HECW1: variants seen among roughly 807,000 people sequenced by gnomAD.
HECW1 encodes the protein E3 ubiquitin-protein ligase HECW1.
HECW1 carries 61 observed loss-of-function variants against 182.3 expected under a neutral mutation model. The ratio of observed to expected loss-of-function variants is 0.33; its 90% CI spans 0.27 to 0.41. The LOEUF is 0.41. HECW1 is among the 10% of genes least tolerant of loss of function. HECW1 has a pLI of 1.00. For synonymous variants in HECW1, 859 were observed against 832.6 expected, an observed-to-expected ratio of 1.03 and a Z score of -0.55; for missense variants, 1,739 against 2,108.9, an observed-to-expected ratio of 0.82 and a Z score of 3.44.
Position 43,385,276 on chromosome 7 carries a change from C to T in HECW1, c.556-11538C>T, listed in dbSNP as rs1279022251. On this transcript the variant is annotated intron_variant, in intron 6 of 29. Coordinates refer to ENST00000395891, the MANE Select transcript of HECW1 (RefSeq NM_015052.5). ...CCTCCCCTCCCCTCTCCCCTCCCCT[C>T]CCCTCTCCCCTCCCCTCCCCTCTCC... Among the ~76,000 whole-genome samples, 146 of 19,904 alleles carry T rather than the reference C, an allele frequency of 7.3e-3. 4 individuals are homozygous for T. The highest frequency in any genetic ancestry group is 0.011 in the Non-Finnish European group (104 of 9,734). The allele number at this position is 19,904 out of a possible 152,430, so 13.1% of individuals were successfully genotyped here. A position where few individuals can be genotyped will look rare whatever the true frequency, so the allele number is the denominator to read the frequency against.
intron 20 of HECW1, 126 bp downstream of exon 20, chr7:43,500,908 C>A: frequency 1.2e-6 from 1 of 802,212 alleles, no homozygotes; most frequent in South Asian, 1.5e-5. Context: ...CTAGTAACTG[C>A]AACGCAAGTG....
chr7:43,424,065 T>C (rs1487768156), intron 8 of HECW1, among the ~76,000 whole-genome samples: 1 of 152,190 alleles, frequency 6.6e-6, no homozygotes, highest in Non-Finnish European at 1.5e-5. Context: ...TCAGAGATGG[T>C]AGCAGTTGTC....
intron 2 of HECW1, among the ~76,000 whole-genome samples, chr7:43,160,887 G>A (rs964339183): frequency 3.9e-5 from 6 of 151,938 alleles, no homozygotes; most frequent in Non-Finnish European, 7.4e-5. Flanking sequence ...GCCTTTTACA[G>A]TTGTCGTATT....
chr7:43,208,110 T>A (rs1156818891), intron 2 of HECW1, among the ~76,000 whole-genome samples: 2 of 152,208 alleles, frequency 1.3e-5, no homozygotes, highest in Admixed American at 6.5e-5. Context: ...TGTTAACAGA[T>A]AATGGACATT....
At chr7:43,534,129 T>G (rs1414405675) in intron 24 of HECW1, among the ~76,000 whole-genome samples, 2 of 152,196 alleles carry the variant, frequency 1.3e-5, no homozygotes, top group African/African-American at 2.4e-5. Flanking sequence ...TATATCACTT[T>G]CGTATAAAAG....
Position 43,480,696 on chromosome 7 carries a change from T to TATAC in HECW1, c.3234+953_3234+954insTACA, listed in dbSNP as rs577524160. Among the ~76,000 whole-genome samples the TATAC allele has an allele frequency of 4.8e-3, 649 of 135,386 alleles. 5 individuals are homozygous for TATAC. Among genetic ancestry groups the TATAC allele is most frequent in the Non-Finnish European group, 6.6e-3 (395 of 59,460 alleles). The allele number at this position is 135,386 out of a possible 152,430, so 88.8% of individuals were successfully genotyped here. On this transcript the variant is annotated intron_variant, in intron 17 of 29. Coordinates refer to ENST00000395891, the MANE Select transcript of HECW1 (RefSeq NM_015052.5). ...ACACATATATACGCATATATATATA[T>TATAC]ACACACACACACACATATATACGCA... is the stretch of plus-strand genomic sequence containing the variant.
intron 2 of HECW1, among the ~76,000 whole-genome samples, chr7:43,139,866 C>T (rs1373617213): frequency 6.6e-6 from 1 of 152,148 alleles, no homozygotes; most frequent in African/African-American, 2.4e-5. Context: ...CCAACCATTA[C>T]TGTCTGGGTG....
chr7:43,524,803 A>G (rs142847040), intron 24 of HECW1, among the ~76,000 whole-genome samples: 8 of 152,320 alleles, frequency 5.3e-5, no homozygotes, highest in African/African-American at 1.9e-4. Flanking sequence ...TGCTTGTAAT[A>G]TTTGGAAAAG....
At chr7:43,456,669 G>A (rs576042488) in intron 13 of HECW1, among the ~76,000 whole-genome samples, 7 of 152,288 alleles carry the variant, frequency 4.6e-5, no homozygotes, top group South Asian at 2.1e-4. Context: ...ATGGGAAATC[G>A]TCTAAACTTC....
intron 24 of HECW1, chr7:43,522,243 A>G (rs1450456151): frequency 6.6e-6 from 1 of 152,222 alleles, no homozygotes; most frequent in Non-Finnish European, 1.5e-5. Context: ...AGCATAACTG[A>G]ACCACACACT....
intron 3 of HECW1, among the ~76,000 whole-genome samples, chr7:43,250,189 A>G (rs1799882475): frequency 1.3e-5 from 2 of 152,040 alleles, no homozygotes. Flanking sequence ...TGGATTTGGT[A>G]GCATTGTATT....
chr7:43,250,122 C>T (rs1330146886), intron 3 of HECW1, among the ~76,000 whole-genome samples: 1 of 100,962 alleles, frequency 9.9e-6, no homozygotes, highest in Non-Finnish European at 2.7e-5. Context: ...AACCAAAACA[C>T]ACACACACAC....
At position 43,430,792 on chromosome 7, in the gene HECW1, T is replaced by TTATTATTATTATTATTATTATTAC. The variant is rs2076524226; in HGVS notation, c.802-7204_802-7203insATTATTATTATTATTACTATTATT. Reference sequence around the variant, plus strand: ...TTTTTATTTTTCTTTATTATTATTATTATTATTGAGATGGAGTCTCGCTCT... The same window carrying TTATTATTATTATTATTATTATTAC: ...TTTTTATTTTTCTTTATTATTATTATTATTATTATTATTATTATTATTACTATTATTGAGATGGAGTCTCGCTCT... On this transcript the variant is annotated intron_variant, in intron 8 of 29. Transcript: ENST00000395891. Among the ~76,000 whole-genome samples the TTATTATTATTATTATTATTATTAC allele has an allele frequency of 3.3e-5, 5 of 149,628 alleles. No individual in the cohort carries two copies. The South Asian group carries it at 1.0e-3, about 31-fold the overall frequency.
intron 5 of HECW1, among the ~76,000 whole-genome samples, chr7:43,334,706 T>G (rs2152794527): frequency 6.6e-6 from 1 of 152,314 alleles, no homozygotes; most frequent in South Asian, 2.1e-4. Context: ...TGAATGTCAG[T>G]CTCTTCCAGG....
chr7:43,222,654 C>T (rs1272606956), intron 2 of HECW1, among the ~76,000 whole-genome samples: 3 of 152,110 alleles, frequency 2.0e-5, no homozygotes, highest in Non-Finnish European at 4.4e-5. Flanking sequence ...TTGCTAACAC[C>T]GGAGTTTCAA....
chr7:43,126,068 T>TA (rs35085274), intron 2 of HECW1, among the ~76,000 whole-genome samples: 1 of 32,934 alleles, frequency 3.0e-5, no homozygotes, highest in Non-Finnish European at 7.0e-5. Context: ...TTGTTCTCAC[T>TA]TTTTTTTTTT....
chr7:43,328,859 C>G (rs55713423), intron 5 of HECW1, among the ~76,000 whole-genome samples: 31,040 of 152,172 alleles, frequency 0.2, 4,061 homozygotes, highest in Non-Finnish European at 0.3. Context: ...CCCAAAGTCA[C>G]ACTTTTCTGG....
chr7:43,244,018 T>A, intron 3 of HECW1, 86 bp downstream of exon 3: 1 of 1,104,782 alleles, frequency 9.1e-7, no homozygotes, highest in Non-Finnish European at 1.4e-6. Context: ...TGCCTCAGCC[T>A]AGGGCCATTG....
chr7:43,244,468 G>C (rs1175825212), intron 3 of HECW1, among the ~76,000 whole-genome samples: 1 of 152,136 alleles, frequency 6.6e-6, no homozygotes, highest in Non-Finnish European at 1.5e-5. Flanking sequence ...TCCTTCCTCT[G>C]TGTCATGGTT....
Sources: gnomAD v4.1 joint callset for allele counts (sites outside exome capture counted in the v4.1 genomes callset) on GRCh38, gnomAD v4.1.1 for gene constraint, MANE v1.5 for transcripts, NCBI Gene and HGNC (gene_info 2026-07-23, HGNC 2026-07-21) for gene names.